STEAP3: variants seen among roughly 807,000 people sequenced by gnomAD.
STEAP3 encodes metalloreductase STEAP3.
A neutral mutation model predicts 34.9 loss-of-function variants in STEAP3; 35 were observed. The ratio of observed to expected loss-of-function variants is 1.00; its 90% CI spans 0.76 to 1.33. The LOEUF is 1.33. STEAP3 is among the 40% of genes most tolerant of loss of function. The pLI is 0.00. For synonymous variants in STEAP3, 281 were observed against 301.6 expected (o/e 0.93, Z 0.71); for missense variants, 652 against 667.6 (o/e 0.98, Z 0.26).
intron 5 of STEAP3, chr2:119,257,384 C>A: frequency 7.2e-7 from 1 of 1,394,288 alleles, no homozygotes; most frequent in South Asian, 1.8e-5. Context: ...TCCGTGGACT[C>A]AGATGCTGAG....
intron 2 of STEAP3, chr2:119,245,216 C>T: frequency 4.4e-6 from 2 of 457,368 alleles, no homozygotes; most frequent in Non-Finnish European, 7.7e-6. Context: ...CACTCTCACT[C>T]TGCCAGTTTT....
At position 119,248,037 on chromosome 2, in the gene STEAP3, G is replaced by A. The variant is rs147820529; in HGVS notation, c.881G>A (p.Arg294His). 8.1e-4 allele frequency: 1,303 copies of A among 1,609,298 alleles called. 13 individuals carry two copies. In the South Asian group the frequency reaches 8.6e-3, roughly 11 times the overall value. Residue 294 changes from arginine to histidine, a missense_variant, in exon 4 of 6, where the codon CGC (arginine) becomes CAC (histidine). Transcript: ENST00000393110. ...GVLAAALQLR[R>H]GTKYQRFPDW... ...CTGGCGGCTGCCCTGCAGCTGCGGC[G>A]CGGCACCAAGTACCAGCGCTTCCCC...
chr2:119,231,339 T>TTGTGTGTG (rs1331078368), intron 2 of STEAP3, among the ~76,000 whole-genome samples: 5 of 78,382 alleles, frequency 6.4e-5, no homozygotes, highest in Non-Finnish European at 1.4e-4. Flanking sequence ...TCACACACAG[T>TTGTGTGTG]TGCGTGTGTG....
chr2:119,251,254 G>T lies in STEAP3; in HGVS notation c.1050+3048G>T, dbSNP rs191441896. 6.4e-4 allele frequency among the ~76,000 whole-genome samples: 98 copies of T among 152,210 alleles called. 1 individual carries two copies. In the East Asian group the frequency reaches 0.017, roughly 26 times the overall value. ...CACATGGCCACTCACCACCCCAACT[G>T]CCCACTAGGCCCTTGGGTCAAGGGA... On this transcript the variant is annotated intron_variant, in intron 4 of 5. Transcript: ENST00000393110.
At chr2:119,255,304 C>A (rs1048981577) in intron 5 of STEAP3, among the ~76,000 whole-genome samples, 6 of 152,060 alleles carry the variant, frequency 3.9e-5, no homozygotes, top group African/African-American at 1.4e-4. Flanking sequence ...TCTGTTGTTC[C>A]CCTTAACCCC....
Position 119,264,778 on chromosome 2 carries a change from G to A in STEAP3, c.*1440G>A, listed in dbSNP as rs1678054762. The A allele has an allele frequency of 6.6e-6, 1 of 150,686 alleles. No homozygotes were observed. Among genetic ancestry groups the A allele is most frequent in the Non-Finnish European group, 1.5e-5 (1 of 68,166 alleles). 9.3% of individuals were successfully genotyped at this position (150,686 alleles called of 1,614,324 possible). On this transcript the variant is annotated 3_prime_UTR_variant, in exon 6 of 6. Coordinates refer to ENST00000393110, the MANE Select transcript of STEAP3 (RefSeq NM_182915.3). ...AGGGCCAGTGAAGGCTGCCCAGAGAGAATGTCACAGATGAGGCTGCCCCTG... is the reference window on the plus strand; with the variant it reads ...AGGGCCAGTGAAGGCTGCCCAGAGAAAATGTCACAGATGAGGCTGCCCCTG...
At chr2:119,231,654 A>T (rs1676940420) in intron 2 of STEAP3, among the ~76,000 whole-genome samples, 1 of 151,892 alleles carries the variant, frequency 6.6e-6, no homozygotes, top group Non-Finnish European at 1.5e-5. Flanking sequence ...TTCTGCGGGG[A>T]TTGGCTCGAG....
intron 3 of STEAP3, among the ~76,000 whole-genome samples, chr2:119,247,363 A>T (rs965553798): frequency 1.3e-5 from 2 of 152,322 alleles, no homozygotes; most frequent in African/African-American, 4.8e-5. Flanking sequence ...GCCCATGGGG[A>T]CTACCTGGAT....
At chr2:119,229,565 G>A (rs894654810) in intron 1 of STEAP3, among the ~76,000 whole-genome samples, 10 of 152,208 alleles carry the variant, frequency 6.6e-5, no homozygotes, top group African/African-American at 2.4e-4. Flanking sequence ...CCTACCCAAC[G>A]TCACACAGCT....
At chr2:119,229,615 A>C (rs1286406811) in intron 1 of STEAP3, among the ~76,000 whole-genome samples, 1 of 152,246 alleles carries the variant, frequency 6.6e-6, no homozygotes, top group African/African-American at 2.4e-5. Context: ...ATCTCTGTCC[A>C]GCTAGGTCCC....
At chr2:119,257,433 G>A (rs1677805850) in intron 5 of STEAP3, 6 of 1,467,162 alleles carry the variant, frequency 4.1e-6, no homozygotes, top group Non-Finnish European at 5.4e-6. Flanking sequence ...CTCCCTAAGT[G>A]ACTGATAGGT....
At chr2:119,248,475 G>C (rs938998201) in intron 4 of STEAP3, 1 of 477,210 alleles carries the variant, frequency 2.1e-6, no homozygotes, top group Non-Finnish European at 3.7e-6. Flanking sequence ...CATAGTGGGC[G>C]TTGAGAGGAT....
intron 5 of STEAP3, among the ~76,000 whole-genome samples, chr2:119,260,231 T>C (rs1267072883): frequency 6.7e-6 from 1 of 149,760 alleles, no homozygotes; most frequent in Non-Finnish European, 1.5e-5. Flanking sequence ...TGAGGAGGGG[T>C]GGGAGGGCCC....
rs150228777 is a variant in STEAP3 at position 119,244,168 on chromosome 2, G to T, written c.23-1321G>T. On this transcript the variant is annotated intron_variant, in intron 2 of 5. Coordinates refer to ENST00000393110, the MANE Select transcript of STEAP3 (RefSeq NM_182915.3). ...ATGCTTCTTTATTAGCACATTAAATGACAAGCTCTAGTGGCAGATCTAATG... is the reference window on the plus strand; with the variant it reads ...ATGCTTCTTTATTAGCACATTAAATTACAAGCTCTAGTGGCAGATCTAATG... 8.4e-3 allele frequency among the ~76,000 whole-genome samples: 1,282 copies of T among 152,070 alleles called. 21 individuals are homozygous for T. Among genetic ancestry groups the T allele is most frequent in the African/African-American group, 0.029 (1,222 of 41,514 alleles).
In STEAP3 at chr2:119,261,190, C is replaced by T. The variant is rs547441226; in HGVS notation, c.1216-1867C>T. Among the ~76,000 whole-genome samples, 3 of 152,168 alleles carry T rather than the reference C, an allele frequency of 2.0e-5. No individual in the cohort carries two copies. In the East Asian group the frequency reaches 5.8e-4, roughly 29 times the overall value. ...ACACCAGGGAGGAGCAAGAACGGGG[C>T]CCAATGTGGAATCAGACCCACTTAG... On this transcript the variant is annotated intron_variant, in intron 5 of 5. Transcript: ENST00000393110.
chr2:119,230,597 T>C (rs1425943585), intron 1 of STEAP3, 23 bp from the exon 2 acceptor site: 3 of 212,172 alleles, frequency 1.4e-5, no homozygotes, highest in Admixed American at 1.0e-4. Context: ...TCTCTCTCGC[T>C]CACGTGTGTG....
chr2:119,239,907 T>TA (rs2104807830), intron 2 of STEAP3, among the ~76,000 whole-genome samples: 1 of 152,338 alleles, frequency 6.6e-6, no homozygotes, highest in South Asian at 2.1e-4. Flanking sequence ...TTATACCACA[T>TA]ACAACGTTAT....
intron 2 of STEAP3, among the ~76,000 whole-genome samples, chr2:119,238,567 C>T (rs1433944660): frequency 6.6e-6 from 1 of 152,162 alleles, no homozygotes; most frequent in Non-Finnish European, 1.5e-5. Flanking sequence ...CTGAACTTTT[C>T]TCCATTCTGA....
At chr2:119,262,960 CTCCT>C in intron 5 of STEAP3, 93 bp from the exon 6 acceptor site, 3 of 1,532,280 alleles carry the variant, frequency 2.0e-6, no homozygotes, top group Non-Finnish European at 1.8e-6. Context: ...TAAAGCCACC[CTCCT>C]TCCCCTCCGC....
Sources: allele counts gnomAD v4.1 joint callset (sites outside exome capture counted in the v4.1 genomes callset), GRCh38; gene constraint gnomAD v4.1.1; transcripts MANE v1.5; gene names NCBI Gene and HGNC (gene_info 2026-07-23, HGNC 2026-07-21).